Variants in YJU2B observed in about 807,000 individuals in gnomAD.
YJU2B encodes the protein probable splicing factor YJU2B.
In YJU2B, 18 loss-of-function variants were observed where a neutral mutation model predicts 38.0. The observed-to-expected ratio is 0.47, with a 90% CI of 0.33 to 0.70. YJU2B has a LOEUF of 0.70. Ranked by LOEUF, YJU2B falls within the 30% of genes least tolerant of loss-of-function variation. YJU2B has a pLI of 0.02. For synonymous variants in YJU2B, 246 were observed against 225.4 expected (o/e 1.09, Z -0.82); for missense variants, 538 against 556.3 (o/e 0.97, Z 0.33).
chr19:13,732,931 A>AT (rs757629860), intron 2 of YJU2B, among the ~76,000 whole-genome samples: 2,135 of 125,360 alleles, frequency 0.017, 40 homozygotes, highest in African/African-American at 0.051. Flanking sequence ...ACCTTTTGAA[A>AT]TTTTTTTTTT....
At chr19:13,751,156 A>G (rs1973446834) in intron 1 of YJU2B, among the ~76,000 whole-genome samples, 1 of 152,106 alleles carries the variant, frequency 6.6e-6, no homozygotes, top group South Asian at 2.1e-4. Flanking sequence ...GGTGGCTCAC[A>G]CCTGTAATGC....
At chr19:13,741,765 G>A (rs1185669160) in intron 2 of YJU2B, among the ~76,000 whole-genome samples, 1 of 151,400 alleles carries the variant, frequency 6.6e-6, no homozygotes, top group Non-Finnish European at 1.5e-5. Flanking sequence ...AACAAAAGAA[G>A]CTATTGGAGG....
chr19:13,759,278 G>A lies in YJU2B; in HGVS notation c.573+6G>A, dbSNP rs1325234873. On this transcript the variant is annotated splice_donor_region_variant and intron_variant, in intron 8 of 9. Transcript: ENST00000221554. ...TGCTGCGGAGAAGGTTCCGGGTGAG[G>A]GGGGCTCCAGCCCGGGGTCAGAGAG... The A allele has an allele frequency of 6.3e-7, 1 of 1,597,110 alleles. No individual in the cohort carries two copies. Among genetic ancestry groups the A allele is most frequent in the Admixed American group, 1.7e-5 (1 of 57,496 alleles).
intron 9 of YJU2B, 42 bp from the exon 10 acceptor site, chr19:13,762,548 C>G: frequency 6.5e-7 from 1 of 1,533,484 alleles, no homozygotes; most frequent in Non-Finnish European, 8.7e-7. Context: ...GTTCTGGACC[C>G]CCTCCCCTGC....
At chr19:13,756,341 A>G in intron 4 of YJU2B, 62 bp downstream of exon 4, 2 of 1,347,444 alleles carry the variant, frequency 1.5e-6, no homozygotes, top group East Asian at 2.3e-5. Context: ...TCTCAAGGAG[A>G]GTTCAGTGCC....
chr19:13,754,675 C>G (rs1180195785), intron 3 of YJU2B, among the ~76,000 whole-genome samples: 1 of 152,136 alleles, frequency 6.6e-6, no homozygotes, highest in African/African-American at 2.4e-5. Flanking sequence ...CCTGGAATCT[C>G]TTCCTCCATT....
chr19:13,745,541 C>T (rs1255304858), upstream of YJU2B, among the ~76,000 whole-genome samples: 2 of 151,594 alleles, frequency 1.3e-5, no homozygotes, highest in African/African-American at 4.9e-5. Context: ...CCTGTAATCC[C>T]AGGGCTGAGG....
At position 13,735,835 on chromosome 19, in the gene YJU2B, G is replaced by A. The variant is rs148402648; in HGVS notation, c.-202+3550G>A. On this transcript the variant is annotated intron_variant, in intron 2 of 10. Transcript: ENST00000586600. ...TGGGAAGCCAAGGCGGGCGGATCAC[G>A]AGGTCAGGAGATCGAGGCCATCCTG... is the stretch of plus-strand genomic sequence containing the variant. 6.9e-3 allele frequency among the ~76,000 whole-genome samples: 1,050 copies of A among 151,828 alleles called. 18 individuals are homozygous for A. The highest frequency in any genetic ancestry group is 0.025 in the African/African-American group (1,025 of 41,210).
In YJU2B at chr19:13,763,156, C is replaced by T; in HGVS notation, c.*88C>T. The stretch of plus-strand genomic sequence containing the variant: ...ACAGACTGCAGACCCCCGGCTCGCC[C>T]ACCAGCCCTGGGAGAGCTCAGATGC... On this transcript the variant is annotated 3_prime_UTR_variant, in exon 10 of 10. Transcript: ENST00000221554. 1 of 1,150,226 alleles carries T rather than the reference C, an allele frequency of 8.7e-7. No homozygotes were observed. The allele number at this position is 1,150,226 out of a possible 1,614,324, so 71.3% of individuals were successfully genotyped here.
chr19:13,736,264 T>C (rs1249191131), intron 2 of YJU2B, among the ~76,000 whole-genome samples: 1 of 140,874 alleles, frequency 7.1e-6, no homozygotes, highest in Admixed American at 7.1e-5. Context: ...CTTTTTTTTT[T>C]TTTTTTTTTT....
Position 13,762,915 on chromosome 19 carries a change from C to T in YJU2B, c.1038C>T (p.Cys346=). The T allele has an allele frequency of 6.2e-7, 1 of 1,611,798 alleles. No individual in the cohort carries two copies. The highest frequency in any genetic ancestry group is 8.5e-7 in the Non-Finnish European group (1 of 1,179,700). ...CPPETTETPK[C]SSPRGQEGSR... ...CGGAAACAACTGAGACCCCCAAGTG[C>T]AGCAGCCCGAGGGGGCAGGAAGGGA... Residue 346 remains cysteine, a synonymous_variant, in exon 10 of 10, where the codon TGC becomes TGT. Coordinates refer to ENST00000221554, the MANE Select transcript of YJU2B (RefSeq NM_030818.4).
At chr19:13,747,382 C>G (rs1040133220), upstream of YJU2B, among the ~76,000 whole-genome samples, 12 of 152,212 alleles carry the variant, frequency 7.9e-5, no homozygotes, top group Non-Finnish European at 1.8e-4. Context: ...GTGGTTCACG[C>G]CTGTAATCCC....
chr19:13,743,191 A>C (rs1210988366), upstream of YJU2B, among the ~76,000 whole-genome samples: 1 of 151,818 alleles, frequency 6.6e-6, no homozygotes, highest in Middle Eastern at 3.2e-3. Flanking sequence ...AGAAGCTACA[A>C]GCAAAATCAT....
chr19:13,756,208 C>T lies in YJU2B; in HGVS notation c.69C>T (p.Leu23=), dbSNP rs752963589. ...TCCTCTCCACACAGCATGGCTCTCT[C>T]AACCGATACCACAACAGCCACCCGC... is the stretch of plus-strand genomic sequence containing the variant. ...PDFNPEKHGS[L]NRYHNSHPLR... Residue 23 remains leucine (L), a synonymous_variant, in exon 4 of 10, where the codon CTC becomes CTT. Transcript: ENST00000221554. The T allele has an allele frequency of 2.9e-5, 47 of 1,613,942 alleles. No individual in the cohort carries two copies. The highest frequency in any genetic ancestry group is 4.0e-5 in the Non-Finnish European group (47 of 1,179,978).
In YJU2B at chr19:13,751,710, C is replaced by T; in HGVS notation, c.-99C>T. On this transcript the variant is annotated 5_prime_UTR_variant, in exon 2 of 10. Transcript: ENST00000221554. ...CTTCGCAGGGAAGCCTGTGGACCCT[C>T]TGCCAGGCTCCACAAGAGGTCAGGA... is the stretch of plus-strand genomic sequence containing the variant. 1.5e-6 allele frequency: 2 copies of T among 1,319,412 alleles called. No individual in the cohort carries two copies. The allele number at this position is 1,319,412 out of a possible 1,614,324, so 81.7% of individuals were successfully genotyped here.
rs139041098 is a variant in YJU2B at position 13,758,922 on chromosome 19, C to T, written c.312C>T (p.Pro104=). 2.1e-4 allele frequency: 336 copies of T among 1,613,914 alleles called. No individual in the cohort carries two copies. The African/African-American group carries it at 3.5e-3, about 17-fold the overall frequency. Residue 104 remains proline, a synonymous_variant, in exon 7 of 10, where the codon CCC becomes CCT. Coordinates refer to ENST00000221554, the MANE Select transcript of YJU2B (RefSeq NM_030818.4). ...ACTACATCGAGATGCAGACGGACCC[C>T]GCCAACTGCGACTACGTGATCGTGA... The part of the protein sequence containing the change: ...CVNYIEMQTD[P]ANCDYVIVSG...
In YJU2B at chr19:13,762,457, GA is replaced by G; in HGVS notation, c.712+24del. On this transcript the variant is annotated intron_variant, in intron 9 of 9. Transcript: ENST00000221554. ...TGGACTGTGCGTAGGAGGCCAGGGG[GA>G]AAAGGGGACAGGGAGGCTCAGAGTT... 1 of 1,609,486 alleles carries G rather than the reference GA, an allele frequency of 6.2e-7. No homozygotes were observed. The highest frequency in any genetic ancestry group is 8.5e-7 in the Non-Finnish European group (1 of 1,179,224).
chr19:13,731,840 G>A (rs968161947), exon 1 of YJU2B: 1 of 152,280 alleles, frequency 6.6e-6, no homozygotes, highest in Non-Finnish European at 1.5e-5. Context: ...TAGGATCCGA[G>A]GGGGCCAAGA....
chr19:13,747,386 T>C (rs1239741076), upstream of YJU2B, among the ~76,000 whole-genome samples: 3 of 152,216 alleles, frequency 2.0e-5, no homozygotes, highest in Non-Finnish European at 4.4e-5. Context: ...TTCACGCCTG[T>C]AATCCCAGCA....
Sources: gnomAD v4.1 joint callset for allele counts (sites outside exome capture counted in the v4.1 genomes callset) on GRCh38, gnomAD v4.1.1 for gene constraint, MANE v1.5 for transcripts, NCBI Gene and HGNC (gene_info 2026-07-23, HGNC 2026-07-21) for gene names.